Variants in LINGO2 observed in about 807,000 individuals in gnomAD.
The protein encoded by LINGO2 is leucine-rich repeat and immunoglobulin-like domain-containing nogo receptor-interacting protein 2.
LINGO2 carries 14 observed loss-of-function variants against 30.6 expected under a neutral mutation model. The observed-to-expected ratio is 0.46, with a 90% CI of 0.30 to 0.72. LINGO2 has a LOEUF of 0.72. LINGO2 is among the 30% of genes least tolerant of loss of function. The pLI is 0.07. For synonymous variants in LINGO2, 317 were observed against 288.5 expected (o/e 1.10, Z -1.00); for missense variants, 729 against 751.7 (o/e 0.97, Z 0.35).
At chr9:28,290,799 C>T (rs1043750506) in intron 4 of LINGO2, among the ~76,000 whole-genome samples, 2 of 152,024 alleles carry the variant, frequency 1.3e-5, no homozygotes, top group African/African-American at 4.8e-5. Context: ...GAGGAAGGAA[C>T]TCAGAGAAGA....
the LINGO2 span, among the ~76,000 whole-genome samples, chr9:28,973,492 G>C: frequency 6.6e-6 from 1 of 152,148 alleles, no homozygotes; most frequent in East Asian, 1.9e-4. Context: ...CCACCATACT[G>C]TTCTCATAGC....
intron 4 of LINGO2, among the ~76,000 whole-genome samples, chr9:28,027,663 G>A (rs982808076): frequency 1.4e-5 from 2 of 139,126 alleles, no homozygotes; most frequent in African/African-American, 5.7e-5. Flanking sequence ...TTAAAATGGG[G>A]AAAATAAAAC....
intron 3 of LINGO2, among the ~76,000 whole-genome samples, chr9:28,358,044 C>G (rs937929675): frequency 5.3e-5 from 8 of 151,570 alleles, no homozygotes; most frequent in Admixed American, 6.6e-5. Context: ...AGGGTAGATC[C>G]AGAATGATTC....
chr9:28,839,059 G>C, the LINGO2 span, among the ~76,000 whole-genome samples: 1 of 152,214 alleles, frequency 6.6e-6, no homozygotes, highest in African/African-American at 2.4e-5. Flanking sequence ...GGAGATACTA[G>C]GAACTGTGGA....
At chr9:28,023,149 T>C (rs1823217494) in intron 4 of LINGO2, among the ~76,000 whole-genome samples, 1 of 152,192 alleles carries the variant, frequency 6.6e-6, no homozygotes, top group Admixed American at 6.5e-5. Context: ...AAAATCTGTG[T>C]CACAGAATCA....
intron 2 of LINGO2, among the ~76,000 whole-genome samples, chr9:28,397,200 C>G (rs16912837): frequency 0.044 from 6,620 of 151,874 alleles, 488 homozygotes; most frequent in African/African-American, 0.15. Context: ...CCTACTAACT[C>G]CTATGAAAGA....
At chr9:28,293,431 C>G (rs1362348761) in intron 4 of LINGO2, among the ~76,000 whole-genome samples, 1 of 152,064 alleles carries the variant, frequency 6.6e-6, no homozygotes, top group Non-Finnish European at 1.5e-5. Flanking sequence ...TCTTATTTTT[C>G]TTTATTCCCT....
At chr9:29,006,248 G>C in the LINGO2 span, among the ~76,000 whole-genome samples, 9 of 151,782 alleles carry the variant, frequency 5.9e-5, no homozygotes, top group Non-Finnish European at 1.0e-4. Flanking sequence ...AACAAACGGG[G>C]AATTATTTGA....
chr9:28,959,610 C>CTCTCTCTCTCTCTCTCT, the LINGO2 span, among the ~76,000 whole-genome samples: 3 of 141,622 alleles, frequency 2.1e-5, no homozygotes, highest in African/African-American at 5.5e-5. Context: ...TCTCTCTCTC[C>CTCTCTCTCTCTCTCTCT]CTCACACACA....
At chr9:28,684,726 C>T in the LINGO2 span, among the ~76,000 whole-genome samples, 1 of 151,400 alleles carries the variant, frequency 6.6e-6, no homozygotes, top group African/African-American at 2.4e-5. Context: ...ACCATCTTGG[C>T]CAGGCTGGTC....
At chr9:28,286,947 C>A (rs557719173) in intron 4 of LINGO2, among the ~76,000 whole-genome samples, 1 of 152,088 alleles carries the variant, frequency 6.6e-6, no homozygotes, top group African/African-American at 2.4e-5. Flanking sequence ...GCACTTGTAC[C>A]CCTGAACTTA....
chr9:28,455,203 CA>C (rs1264703222), intron 2 of LINGO2, among the ~76,000 whole-genome samples: 1 of 151,826 alleles, frequency 6.6e-6, no homozygotes, highest in Non-Finnish European at 1.5e-5. Context: ...GGTTAAGGGA[CA>C]AAAGACATTA....
chr9:29,150,223 T>A, the LINGO2 span, among the ~76,000 whole-genome samples: 21 of 151,960 alleles, frequency 1.4e-4, no homozygotes, highest in African/African-American at 4.8e-4. Context: ...CAAATAAAGA[T>A]CCTATACAAA....
the LINGO2 span, among the ~76,000 whole-genome samples, chr9:29,172,067 T>C: frequency 1.3e-5 from 2 of 151,948 alleles, no homozygotes; most frequent in African/African-American, 4.8e-5. Flanking sequence ...AGGTGGCAGT[T>C]GAGAAAGTCT....
the LINGO2 span, among the ~76,000 whole-genome samples, chr9:28,839,884 C>T: frequency 2.0e-5 from 3 of 152,152 alleles, no homozygotes; most frequent in African/African-American, 4.8e-5. Flanking sequence ...TGAGGGGTGC[C>T]TGCAGGCTAG....
intron 4 of LINGO2, among the ~76,000 whole-genome samples, chr9:28,038,470 G>A (rs1415013106): frequency 6.6e-6 from 1 of 152,076 alleles, no homozygotes; most frequent in Non-Finnish European, 1.5e-5. Context: ...GAGGCGGGCG[G>A]ATCACGAGGT....
At chr9:28,701,182 T>C in the LINGO2 span, among the ~76,000 whole-genome samples, 1 of 152,066 alleles carries the variant, frequency 6.6e-6, no homozygotes, top group Non-Finnish European at 1.5e-5. Context: ...TTATATATTC[T>C]TTATTTCATG....
At chr9:28,033,936 T>A (rs1823806000) in intron 4 of LINGO2, among the ~76,000 whole-genome samples, 1 of 152,188 alleles carries the variant, frequency 6.6e-6, no homozygotes, top group African/African-American at 2.4e-5. Context: ...GTGCGTTTTA[T>A]TCTTGTAAAC....
chr9:28,258,096 T>C (rs1281692878), intron 4 of LINGO2, among the ~76,000 whole-genome samples: 1 of 151,970 alleles, frequency 6.6e-6, no homozygotes, highest in Non-Finnish European at 1.5e-5. Flanking sequence ...TCTTTGCTAA[T>C]AAATGATGAG....
Sources: allele counts gnomAD v4.1 joint callset (sites outside exome capture counted in the v4.1 genomes callset), GRCh38; gene constraint gnomAD v4.1.1; transcripts MANE v1.5; gene names NCBI Gene and HGNC (gene_info 2026-07-23, HGNC 2026-07-21).